Variants in TAFA2 observed in about 807,000 individuals in gnomAD.
TAFA2 encodes the protein chemokine-like protein TAFA-2.
In TAFA2, 7 loss-of-function variants were observed where a neutral mutation model predicts 18.8. That is an observed-to-expected ratio of 0.37 (90% CI 0.21 to 0.70). TAFA2 has a LOEUF of 0.70. Among genes scored for constraint, TAFA2 ranks in the 30% least tolerant of loss-of-function variants. TAFA2 has a pLI of 0.53. For missense variants in TAFA2, 122 were observed against 158.1 expected (o/e 0.77, Z 1.23); for synonymous variants, 60 against 54.2 (o/e 1.11, Z -0.47).
intron 1 of TAFA2, among the ~76,000 whole-genome samples, chr12:62,164,650 A>G (rs770963542): frequency 1.7e-4 from 26 of 152,230 alleles, no homozygotes; most frequent in Non-Finnish European, 3.5e-4. Flanking sequence ...CAAGATAATT[A>G]TTGTTATTTC....
intron 1 of TAFA2, among the ~76,000 whole-genome samples, chr12:62,058,825 C>T (rs1042433665): frequency 6.6e-6 from 1 of 152,096 alleles, no homozygotes; most frequent in Admixed American, 6.5e-5. Context: ...TATCTGAGTG[C>T]GGGTGCAATG....
At chr12:61,999,402 C>A (rs139367412) in intron 1 of TAFA2, among the ~76,000 whole-genome samples, 1 of 152,260 alleles carries the variant, frequency 6.6e-6, no homozygotes, top group Admixed American at 6.5e-5. Context: ...GATAAGAAAG[C>A]AAAAGGACAG....
At chr12:62,078,211 C>T (rs952604333) in intron 1 of TAFA2, among the ~76,000 whole-genome samples, 2 of 152,124 alleles carry the variant, frequency 1.3e-5, no homozygotes, top group Non-Finnish European at 2.9e-5. Flanking sequence ...CTGCCCCCTC[C>T]TAACTTACCC....
chr12:61,908,662 A>C (rs1876471435), intron 1 of TAFA2, among the ~76,000 whole-genome samples: 1 of 152,214 alleles, frequency 6.6e-6, no homozygotes, highest in African/African-American at 2.4e-5. Flanking sequence ...CTCAAAACTG[A>C]GTCTGCCAAG....
At chr12:61,754,559 A>T (rs1228750465) in intron 3 of TAFA2, among the ~76,000 whole-genome samples, 3 of 151,696 alleles carry the variant, frequency 2.0e-5, no homozygotes, top group Admixed American at 6.6e-5. Flanking sequence ...TCCTTTTCCA[A>T]TTAATTTACA....
chr12:61,837,777 A>T (rs994939155), intron 2 of TAFA2, among the ~76,000 whole-genome samples: 4 of 152,130 alleles, frequency 2.6e-5, no homozygotes, highest in African/African-American at 9.6e-5. Flanking sequence ...GAGATGGCGA[A>T]CAAATTATAC....
chr12:61,994,912 A>G (rs1263777456), intron 1 of TAFA2, among the ~76,000 whole-genome samples: 1 of 152,068 alleles, frequency 6.6e-6, no homozygotes, highest in Non-Finnish European at 1.5e-5. Context: ...GAACATGCTC[A>G]CTTCTCTGCA....
At chr12:62,208,437 T>C (rs562405116) in intron 1 of TAFA2, among the ~76,000 whole-genome samples, 1 of 151,822 alleles carries the variant, frequency 6.6e-6, no homozygotes, top group South Asian at 2.1e-4. Context: ...AGTTCTGTAG[T>C]ATAAGGCAGC....
At chr12:62,071,183 A>AAT (rs1186312815) in intron 1 of TAFA2, among the ~76,000 whole-genome samples, 1 of 152,218 alleles carries the variant, frequency 6.6e-6, no homozygotes, top group African/African-American at 2.4e-5. Flanking sequence ...AGAAAGACTA[A>AAT]ATGCAACAAT....
At chr12:61,732,661 G>T (rs1280882910) in intron 4 of TAFA2, among the ~76,000 whole-genome samples, 1 of 151,900 alleles carries the variant, frequency 6.6e-6, no homozygotes, top group South Asian at 2.1e-4. Flanking sequence ...TTTGGGGAGA[G>T]ACAAGGAGGT....
At chr12:61,852,343 G>A (rs1873708618) in intron 2 of TAFA2, among the ~76,000 whole-genome samples, 1 of 152,194 alleles carries the variant, frequency 6.6e-6, no homozygotes, top group Non-Finnish European at 1.5e-5. Context: ...CAAGAAAGGT[G>A]TCAGAGATGA....
chr12:61,839,603 G>A (rs1445494858), intron 2 of TAFA2, among the ~76,000 whole-genome samples: 1 of 152,030 alleles, frequency 6.6e-6, no homozygotes, highest in South Asian at 2.1e-4. Flanking sequence ...TGCAGGAACA[G>A]GAGTGCATCT....
In TAFA2 at chr12:61,818,350, A is replaced by G. The variant is rs1269341889; in HGVS notation, c.106+48970T>C. ...CAATAATTATTTGCTTGGGATAAGT[A>G]ACATAACTTCTCAGGTCCTCAATCT... is the stretch of plus-strand genomic sequence containing the variant. On this transcript the variant is annotated intron_variant, in intron 2 of 4. Coordinates refer to ENST00000416284, the MANE Select transcript of TAFA2 (RefSeq NM_178539.5). Among the ~76,000 whole-genome samples the G allele has an allele frequency of 1.3e-5, 2 of 152,114 alleles. 1 individual carries two copies. The highest frequency in any genetic ancestry group is 3.9e-4 in the East Asian group (2 of 5,192).
upstream of TAFA2, among the ~76,000 whole-genome samples, chr12:62,193,966 A>G (rs1182717710): frequency 6.6e-6 from 1 of 152,186 alleles, no homozygotes; most frequent in Admixed American, 6.5e-5. Flanking sequence ...AAACAAGGCA[A>G]GTTTTACCGT....
chr12:62,036,117 G>A (rs916105756), intron 1 of TAFA2, among the ~76,000 whole-genome samples: 1 of 151,996 alleles, frequency 6.6e-6, no homozygotes, highest in African/African-American at 2.4e-5. Flanking sequence ...CCCACTAGGT[G>A]CCAATAGAAC....
chr12:62,236,337 T>C (rs1389157522), intron 1 of TAFA2, among the ~76,000 whole-genome samples: 4 of 151,476 alleles, frequency 2.6e-5, no homozygotes, highest in Non-Finnish European at 4.4e-5. Flanking sequence ...CAATCTCGGC[T>C]CACTGCAAGC....
chr12:62,084,642 T>C (rs1868381294), intron 1 of TAFA2, among the ~76,000 whole-genome samples: 1 of 152,030 alleles, frequency 6.6e-6, no homozygotes, highest in South Asian at 2.1e-4. Flanking sequence ...GAAGGCCTTA[T>C]GCTTGGGCAA....
chr12:62,124,974 A>G (rs1301982547), intron 1 of TAFA2, among the ~76,000 whole-genome samples: 3 of 152,168 alleles, frequency 2.0e-5, no homozygotes, highest in Non-Finnish European at 4.4e-5. Context: ...CCTTGTTCAA[A>G]AAAAGTACCA....
intron 4 of TAFA2, among the ~76,000 whole-genome samples, chr12:61,734,180 T>G (rs1170991201): frequency 6.6e-6 from 1 of 151,636 alleles, no homozygotes; most frequent in Admixed American, 6.6e-5. Context: ...TGGGCTGAGA[T>G]AATGGGGTTT....
Sources: allele counts gnomAD v4.1 joint callset (sites outside exome capture counted in the v4.1 genomes callset), GRCh38; gene constraint gnomAD v4.1.1; transcripts MANE v1.5; gene names NCBI Gene and HGNC (gene_info 2026-07-23, HGNC 2026-07-21).